The following SDHAF3 variants were observed in gnomAD, a reference collection of about 807,000 sequenced individuals.
SDHAF3 encodes the protein succinate dehydrogenase complex assembly factor 3, also known as succinate dehydrogenase assembly factor 3, mitochondrial.
SDHAF3 carries 18 observed loss-of-function variants against 11.5 expected under a neutral mutation model. The observed-to-expected ratio is 1.56, with a 90% CI of 1.08 to 2.32. SDHAF3 has a LOEUF of 2.32. Ranked by LOEUF, SDHAF3 falls within the 30% of genes most tolerant of loss-of-function variation. SDHAF3 has a pLI of 0.00. For synonymous variants in SDHAF3, 72 were observed against 59.3 expected (o/e 1.21, Z -0.99); for missense variants, 200 against 154.4 (o/e 1.30, Z -1.57).
intron 1 of SDHAF3, among the ~76,000 whole-genome samples, chr7:97,152,510 A>G (rs1789240135): frequency 6.6e-6 from 1 of 152,160 alleles, no homozygotes; most frequent in Non-Finnish European, 1.5e-5. Flanking sequence ...GATCCATTAG[A>G]ATGCAGGGTC....
chr7:97,167,918 G>T (rs1214800999), intron 1 of SDHAF3, among the ~76,000 whole-genome samples: 1 of 152,214 alleles, frequency 6.6e-6, no homozygotes, highest in African/African-American at 2.4e-5. Flanking sequence ...GTTTACACTG[G>T]ATGTTTTTGT....
intron 1 of SDHAF3, among the ~76,000 whole-genome samples, chr7:97,155,767 T>C (rs1475622780): frequency 6.6e-6 from 1 of 152,106 alleles, no homozygotes; most frequent in African/African-American, 2.4e-5. Flanking sequence ...ACTTATTTTC[T>C]AGAATTGTAG....
intron 1 of SDHAF3, among the ~76,000 whole-genome samples, chr7:97,172,967 G>T (rs1476935266): frequency 6.6e-6 from 1 of 152,128 alleles, no homozygotes; most frequent in Non-Finnish European, 1.5e-5. Flanking sequence ...GATGGTTTTG[G>T]GATGAAATGG....
At chr7:97,128,390 A>T (rs1024086988) in intron 1 of SDHAF3, among the ~76,000 whole-genome samples, 1 of 152,228 alleles carries the variant, frequency 6.6e-6, no homozygotes, top group Non-Finnish European at 1.5e-5. Context: ...TGCTCATGAT[A>T]AAGTAACAAA....
At chr7:97,123,249 G>C (rs1048991477) in intron 1 of SDHAF3, among the ~76,000 whole-genome samples, 1 of 151,918 alleles carries the variant, frequency 6.6e-6, no homozygotes, top group African/African-American at 2.4e-5. Flanking sequence ...TGAGGTTTTT[G>C]GTTTTCTGTT....
At chr7:97,135,455 T>TG (rs1791738051) in intron 1 of SDHAF3, 2 of 152,022 alleles carry the variant, frequency 1.3e-5, no homozygotes, top group South Asian at 4.2e-4. Flanking sequence ...GCAACACTAA[T>TG]GGGGATCTCT....
At chr7:97,134,383 AAAGAAAAATGCTGTGACT>A (rs1389849025) in intron 1 of SDHAF3, among the ~76,000 whole-genome samples, 23 of 152,358 alleles carry the variant, frequency 1.5e-4, no homozygotes, top group African/African-American at 4.6e-4. Context: ...CACCACTTTA[AAAGAAAAATGCTGTGACT>A]ATCATTAAAT....
chr7:97,159,639 A>G (rs1476937590), intron 1 of SDHAF3, among the ~76,000 whole-genome samples: 1 of 152,094 alleles, frequency 6.6e-6, no homozygotes, highest in East Asian at 1.9e-4. Flanking sequence ...AATAAGGCCT[A>G]TTCAGTTCCC....
chr7:97,149,287 A>G (rs1159327261), intron 1 of SDHAF3, among the ~76,000 whole-genome samples: 2 of 152,056 alleles, frequency 1.3e-5, no homozygotes, highest in Non-Finnish European at 2.9e-5. Context: ...AGTAGTCTCC[A>G]TGTTGCATGT....
chr7:97,131,747 A>T (rs1340064358), intron 1 of SDHAF3, among the ~76,000 whole-genome samples: 1 of 152,186 alleles, frequency 6.6e-6, no homozygotes. Context: ...CAATAGGAAA[A>T]AACTTAAAGC....
chr7:97,128,782 C>T (rs1369147640), intron 1 of SDHAF3, among the ~76,000 whole-genome samples: 1 of 152,118 alleles, frequency 6.6e-6, no homozygotes, highest in Non-Finnish European at 1.5e-5. Context: ...AATAAGAACA[C>T]TGTATACAAC....
At chr7:97,128,277 A>G (rs1000075833) in intron 1 of SDHAF3, among the ~76,000 whole-genome samples, 2 of 152,222 alleles carry the variant, frequency 1.3e-5, no homozygotes, top group African/African-American at 4.8e-5. Flanking sequence ...AATGTTTTCT[A>G]CTTTTTCATG....
intron 1 of SDHAF3, among the ~76,000 whole-genome samples, chr7:97,154,953 G>C (rs931737557): frequency 5.3e-5 from 8 of 152,136 alleles, no homozygotes; most frequent in Non-Finnish European, 1.2e-4. Context: ...AGGCATATTT[G>C]TCAGTCTAGT....
chr7:97,146,915 GTATTTT>G (rs1789144316), intron 1 of SDHAF3, among the ~76,000 whole-genome samples: 1 of 150,784 alleles, frequency 6.6e-6, no homozygotes, highest in African/African-American at 2.4e-5. Flanking sequence ...CTAATTTTTT[GTATTTT>G]TAGTAGAGAC....
At chr7:97,166,919 C>G (rs1448051220) in intron 1 of SDHAF3, among the ~76,000 whole-genome samples, 2 of 152,184 alleles carry the variant, frequency 1.3e-5, no homozygotes, top group Non-Finnish European at 1.5e-5. Context: ...TATGACTAAA[C>G]TTAAAATGGA....
At position 97,162,246 on chromosome 7, in the gene SDHAF3, T is replaced by C. The variant is rs985545372; in HGVS notation, c.175-18766T>C. On this transcript the variant is annotated intron_variant, in intron 1 of 1. Coordinates refer to ENST00000432641, the MANE Select transcript of SDHAF3 (RefSeq NM_020186.3). ...ATGTCATCTTTTGAGAAGTGTGTGT[T>C]CATATCCTTTGCCCATTTTTTTGAT... Among the ~76,000 whole-genome samples, 13 of 152,318 alleles carry C rather than the reference T, an allele frequency of 8.5e-5. No homozygotes were observed. The South Asian group carries it at 1.7e-3, about 19-fold the overall frequency.
intron 1 of SDHAF3, among the ~76,000 whole-genome samples, chr7:97,149,012 C>T (rs12668654): frequency 0.049 from 7,428 of 151,770 alleles, 550 homozygotes; most frequent in East Asian, 0.29. Flanking sequence ...TCACTGCAGC[C>T]TCAACTTCCC....
chr7:97,126,066 G>C (rs1421086929), intron 1 of SDHAF3, among the ~76,000 whole-genome samples: 2 of 152,200 alleles, frequency 1.3e-5, no homozygotes, highest in African/African-American at 4.8e-5. Flanking sequence ...CTCTTCTGCA[G>C]ATCTGCTGCA....
intron 1 of SDHAF3, among the ~76,000 whole-genome samples, chr7:97,168,174 G>A (rs186713626): frequency 1.9e-4 from 29 of 152,216 alleles, no homozygotes; most frequent in South Asian, 1.7e-3. Flanking sequence ...ACGTGTTCAC[G>A]TGCCTAATTT....
Sources: allele counts gnomAD v4.1 joint callset (sites outside exome capture counted in the v4.1 genomes callset), GRCh38; gene constraint gnomAD v4.1.1; transcripts MANE v1.5; gene names NCBI Gene and HGNC (gene_info 2026-07-23, HGNC 2026-07-21).